The following TAX1BP1 variants were observed in gnomAD, a reference collection of about 807,000 sequenced individuals.
TAX1BP1 encodes tax1-binding protein 1.
A neutral mutation model predicts 97.7 loss-of-function variants in TAX1BP1; 62 were observed. The observed-to-expected ratio is 0.63, with a 90% CI of 0.52 to 0.78. The LOEUF (loss-of-function observed/expected upper bound fraction) is 0.78, where lower values mean the gene tolerates loss of function less well. Among genes scored for constraint, TAX1BP1 ranks in the 30% least tolerant of loss-of-function variants. The pLI, the probability that TAX1BP1 is intolerant of heterozygous loss-of-function variation, is 0.00. For synonymous variants in TAX1BP1, 340 were observed against 304.2 expected, an observed-to-expected ratio of 1.12 and a Z score of -1.23; for missense variants, 867 against 916.1, an observed-to-expected ratio of 0.95 and a Z score of 0.69.
chr7:27,743,651 C>T (rs151279702), intron 1 of TAX1BP1, among the ~76,000 whole-genome samples: 329 of 152,246 alleles, frequency 2.2e-3, no homozygotes, highest in Non-Finnish European at 3.9e-3. Context: ...TAAAATGAAC[C>T]GACACTTTAC....
At chr7:27,739,698 A>C (rs1787492616), upstream of TAX1BP1, 1 of 152,194 alleles carries the variant, frequency 6.6e-6, no homozygotes, top group Non-Finnish European at 1.5e-5. Flanking sequence ...CCAGGAGTTC[A>C]GAGACAGTCT....
chr7:27,823,580 CT>C (rs897908223), intron 15 of TAX1BP1, among the ~76,000 whole-genome samples: 8 of 152,158 alleles, frequency 5.3e-5, no homozygotes, highest in Non-Finnish European at 1.2e-4. Flanking sequence ...TCATTTACCC[CT>C]GAGTATGTAT....
chr7:27,795,710 G>A (rs959031092), intron 11 of TAX1BP1, among the ~76,000 whole-genome samples: 4 of 151,876 alleles, frequency 2.6e-5, no homozygotes, highest in Admixed American at 6.6e-5. Context: ...GTGTCACCAC[G>A]CCTGGCTAAT....
upstream of TAX1BP1, chr7:27,740,017 C>T (rs1388760743): frequency 6.6e-6 from 1 of 152,250 alleles, no homozygotes; most frequent in Non-Finnish European, 1.5e-5. Context: ...CCAGCCTACC[C>T]GCGGGATGAG....
At position 27,806,107 on chromosome 7, in the gene TAX1BP1, G is replaced by A. The variant is rs191494092; in HGVS notation, c.1764+6017G>A. Among the ~76,000 whole-genome samples, 409 of 149,262 alleles carry A rather than the reference G, an allele frequency of 2.7e-3. 1 individual carries two copies. The highest frequency in any genetic ancestry group is 6.8e-3 in the Middle Eastern group (2 of 292). ...GTTTCAGTTTTTTTTTTTTTTTGAGGTGGTGTCTTGCTCTGTTGCCCAGGC... is the reference window on the plus strand; with the variant it reads ...GTTTCAGTTTTTTTTTTTTTTTGAGATGGTGTCTTGCTCTGTTGCCCAGGC... On this transcript the variant is annotated intron_variant, in intron 13 of 16. Coordinates refer to ENST00000396319, the MANE Select transcript of TAX1BP1 (RefSeq NM_006024.7).
At chr7:27,762,012 T>C (rs1788446570) in intron 3 of TAX1BP1, among the ~76,000 whole-genome samples, 1 of 152,212 alleles carries the variant, frequency 6.6e-6, no homozygotes, top group Admixed American at 6.5e-5. Flanking sequence ...GCTTTGGATT[T>C]TGGTGGTCTG....
intron 5 of TAX1BP1, among the ~76,000 whole-genome samples, chr7:27,776,530 A>G (rs1042490326): frequency 2.6e-5 from 4 of 152,122 alleles, no homozygotes; most frequent in South Asian, 4.1e-4. Context: ...TTCTTCCTTT[A>G]TATTTAATGT....
intron 13 of TAX1BP1, among the ~76,000 whole-genome samples, chr7:27,805,525 T>C (rs1441001036): frequency 6.6e-6 from 1 of 152,212 alleles, no homozygotes; most frequent in Non-Finnish European, 1.5e-5. Context: ...GTTAGCACCA[T>C]CTGGAAACTT....
rs1419315827 is a variant in TAX1BP1 at position 27,763,524 on chromosome 7, T to C, written c.266-2310T>C. 5.3e-5 allele frequency among the ~76,000 whole-genome samples: 8 copies of C among 152,290 alleles called. No individual in the cohort carries two copies. The East Asian group carries it at 1.5e-3, about 29-fold the overall frequency. ...GCTCACACCTGTAATCCCAGCACTT[T>C]GGGAGGCCGGGGCGGGTGGATTACC... On this transcript the variant is annotated intron_variant, in intron 3 of 16. Coordinates refer to ENST00000396319, the MANE Select transcript of TAX1BP1 (RefSeq NM_006024.7).
chr7:27,768,532 A>G (rs1347856092), intron 4 of TAX1BP1, among the ~76,000 whole-genome samples: 5 of 151,806 alleles, frequency 3.3e-5, no homozygotes, highest in African/African-American at 9.7e-5. Context: ...GTCAAGATAT[A>G]TCTTTATTTT....
At chr7:27,746,094 A>G (rs1235682411) in intron 1 of TAX1BP1, among the ~76,000 whole-genome samples, 2 of 152,150 alleles carry the variant, frequency 1.3e-5, no homozygotes, top group Non-Finnish European at 2.9e-5. Context: ...AAAAATAGTT[A>G]CAGCTTTGTT....
At chr7:27,806,396 A>G (rs1232820896) in intron 13 of TAX1BP1, among the ~76,000 whole-genome samples, 3 of 149,092 alleles carry the variant, frequency 2.0e-5, no homozygotes, top group African/African-American at 7.7e-5. Flanking sequence ...TTTTTTTTTA[A>G]CATTAAAATT....
chr7:27,749,186 T>G (rs573686045), intron 2 of TAX1BP1, among the ~76,000 whole-genome samples: 148 of 152,344 alleles, frequency 9.7e-4, no homozygotes, highest in African/African-American at 3.5e-3. Context: ...GTAAACTCTT[T>G]GATGGCAGGA....
intron 1 of TAX1BP1, among the ~76,000 whole-genome samples, chr7:27,745,985 T>G (rs1787800597): frequency 6.6e-6 from 1 of 152,096 alleles, no homozygotes; most frequent in South Asian, 2.1e-4. Flanking sequence ...CCTCAAAAAC[T>G]TCAGTGAACT....
Position 27,745,666 on chromosome 7 carries a change from C to T in TAX1BP1, c.-7-2852C>T, listed in dbSNP as rs17155753. ...ATTATTTTACTTTTCAGACTTGTAA[C>T]CATTGTGAATACTATATTTTAAAGT... On this transcript the variant is annotated intron_variant, in intron 1 of 16. Coordinates refer to ENST00000396319, the MANE Select transcript of TAX1BP1 (RefSeq NM_006024.7). 0.026 allele frequency among the ~76,000 whole-genome samples: 3,937 copies of T among 151,986 alleles called. 314 individuals are homozygous for T. In the East Asian group the frequency reaches 0.29, roughly 11 times the overall value.
chr7:27,799,633 T>C lies in TAX1BP1; in HGVS notation c.1639-332T>C, dbSNP rs556935370. On this transcript the variant is annotated intron_variant, in intron 12 of 16. Transcript: ENST00000396319. The stretch of plus-strand genomic sequence containing the variant: ...TATTTTTGTATACAACACAAACATA[T>C]AGATATTGTATTATAACTGTGTAAA... Among the ~76,000 whole-genome samples, 93 of 152,296 alleles carry C rather than the reference T, an allele frequency of 6.1e-4. 2 individuals are homozygous for C. The South Asian group carries it at 0.018, about 29-fold the overall frequency.
intron 13 of TAX1BP1, among the ~76,000 whole-genome samples, chr7:27,812,588 T>A (rs910256478): frequency 6.6e-6 from 1 of 152,210 alleles, no homozygotes; most frequent in Non-Finnish European, 1.5e-5. Context: ...TTCTCCTATT[T>A]TTTTCTTCCA....
In TAX1BP1 at chr7:27,765,823, C is replaced by T. The variant is rs1411529759; in HGVS notation, c.266-11C>T. Reference sequence around the variant, plus strand: ...GAAGTTTAATAATTTTGTTTGTTAACTTCCTCTTAGGATATTACCTTCCAA... The same window carrying T: ...GAAGTTTAATAATTTTGTTTGTTAATTTCCTCTTAGGATATTACCTTCCAA... On this transcript the variant is annotated splice_polypyrimidine_tract_variant and intron_variant, in intron 3 of 16. Transcript: ENST00000396319. The T allele has an allele frequency of 1.3e-6, 2 of 1,594,916 alleles. No homozygotes were observed.
intron 13 of TAX1BP1, among the ~76,000 whole-genome samples, chr7:27,808,948 G>A (rs1790446251): frequency 6.6e-6 from 1 of 152,146 alleles, no homozygotes; most frequent in South Asian, 2.1e-4. Context: ...AGAACCCTTT[G>A]ATATTTTGAC....
Sources: gnomAD v4.1 joint callset for allele counts (sites outside exome capture counted in the v4.1 genomes callset) on GRCh38, gnomAD v4.1.1 for gene constraint, MANE v1.5 for transcripts, NCBI Gene and HGNC (gene_info 2026-07-23, HGNC 2026-07-21) for gene names.